The following ZNF385D variants were observed in gnomAD, a reference collection of about 807,000 sequenced individuals.
The protein encoded by ZNF385D is zinc finger protein 385D.
ZNF385D carries 15 observed loss-of-function variants against 35.8 expected under a neutral mutation model. That is an observed-to-expected ratio of 0.42 (90% CI 0.28 to 0.64). The LOEUF (loss-of-function observed/expected upper bound fraction) is 0.64. Among genes scored for constraint, ZNF385D ranks in the 30% least tolerant of loss-of-function variants. ZNF385D has a pLI of 0.23. For synonymous variants in ZNF385D, 212 were observed against 186.8 expected (o/e 1.13, Z -1.10); for missense variants, 474 against 494.6 (o/e 0.96, Z 0.39).
intron 2 of ZNF385D, among the ~76,000 whole-genome samples, chr3:21,614,852 G>T (rs1391405613): frequency 6.6e-6 from 1 of 152,210 alleles, no homozygotes. Flanking sequence ...CTCCCGAAGT[G>T]CTGGGATTAC....
chr3:21,762,771 C>T (rs997506095), intron 3 of ZNF385D, among the ~76,000 whole-genome samples: 1 of 152,082 alleles, frequency 6.6e-6, no homozygotes, highest in African/African-American at 2.4e-5. Context: ...AAGGTTTTGG[C>T]CCTTGGTCGT....
chr3:21,662,183 G>A (rs1027259658), intron 2 of ZNF385D, among the ~76,000 whole-genome samples: 2 of 152,092 alleles, frequency 1.3e-5, no homozygotes, highest in Admixed American at 1.3e-4. Context: ...ATCTAGGTAG[G>A]AGGGACTGCT....
At chr3:22,185,796 G>T (rs748466405) in intron 2 of ZNF385D, among the ~76,000 whole-genome samples, 3 of 152,082 alleles carry the variant, frequency 2.0e-5, no homozygotes, top group East Asian at 1.9e-4. Context: ...AAAGATTTCT[G>T]TCCCACCTGG....
intron 3 of ZNF385D, among the ~76,000 whole-genome samples, chr3:21,793,731 C>G (rs1047391095): frequency 1.3e-5 from 2 of 152,294 alleles, no homozygotes; most frequent in Middle Eastern, 3.4e-3. Flanking sequence ...GCTCGGGTCA[C>G]TCACTGCCCA....
chr3:21,429,427 CG>C (rs1198722674), intron 5 of ZNF385D, among the ~76,000 whole-genome samples: 2 of 151,774 alleles, frequency 1.3e-5, no homozygotes, highest in East Asian at 3.9e-4. Context: ...TGTAATACAT[CG>C]AGATGATATA....
intron 2 of ZNF385D, among the ~76,000 whole-genome samples, chr3:22,234,871 C>T (rs940820512): frequency 6.6e-6 from 1 of 151,962 alleles, no homozygotes; most frequent in African/African-American, 2.4e-5. Flanking sequence ...ATCAACTATC[C>T]TGCATTATAA....
At chr3:22,094,158 T>C (rs906783945) in intron 3 of ZNF385D, among the ~76,000 whole-genome samples, 3 of 151,932 alleles carry the variant, frequency 2.0e-5, no homozygotes, top group Admixed American at 2.0e-4. Flanking sequence ...GCATCAAATA[T>C]TCTAATTTTC....
intron 1 of ZNF385D, among the ~76,000 whole-genome samples, chr3:21,685,575 A>G (rs956081850): frequency 6.6e-6 from 1 of 152,222 alleles, no homozygotes; most frequent in Admixed American, 6.5e-5. Context: ...TGCTCCAACA[A>G]GAGGAAGTAT....
intron 3 of ZNF385D, among the ~76,000 whole-genome samples, chr3:21,919,946 T>TA (rs771504052): frequency 1.3e-5 from 2 of 152,190 alleles, no homozygotes; most frequent in Non-Finnish European, 2.9e-5. Flanking sequence ...GCTCCCTCTA[T>TA]AAGCATTTTC....
chr3:21,550,523 C>T (rs1305513423), intron 3 of ZNF385D, among the ~76,000 whole-genome samples: 1 of 152,112 alleles, frequency 6.6e-6, no homozygotes. Flanking sequence ...CACTCTGTTG[C>T]CCAGGCTGGA....
intron 2 of ZNF385D, among the ~76,000 whole-genome samples, chr3:22,300,061 T>C (rs1702814156): frequency 6.6e-6 from 1 of 151,878 alleles, no homozygotes; most frequent in African/African-American, 2.4e-5. Flanking sequence ...TAAAATATAC[T>C]ATAAAGCTAT....
chr3:22,164,974 G>T (rs1706218350), intron 3 of ZNF385D, among the ~76,000 whole-genome samples: 1 of 152,166 alleles, frequency 6.6e-6, no homozygotes. Context: ...TCAAAACCAT[G>T]GGGACCATAA....
intron 4 of ZNF385D, among the ~76,000 whole-genome samples, chr3:21,456,887 A>G (rs2125299869): frequency 6.6e-6 from 1 of 152,252 alleles, no homozygotes; most frequent in African/African-American, 2.4e-5. Context: ...CACTCTGGAT[A>G]AAATTGCTAC....
rs73035499 is a variant in ZNF385D, at chr3:22,246,605, T to C, written c.107-77570A>G. ...ATGTTAACTTTATAAAATTTGATGT[T>C]AGTATCTCAATGGCTTGACATGTAC... On this transcript the variant is annotated intron_variant, in intron 2 of 5. Coordinates refer to the ZNF385D transcript ENST00000494108. Among the ~76,000 whole-genome samples, 644 of 152,270 alleles carry C rather than the reference T, an allele frequency of 4.2e-3. 2 individuals are homozygous for C. Among genetic ancestry groups the C allele is most frequent in the Non-Finnish European group, 7.0e-3 (475 of 67,996 alleles).
chr3:22,107,667 A>G (rs1406247214), intron 3 of ZNF385D, among the ~76,000 whole-genome samples: 1 of 152,104 alleles, frequency 6.6e-6, no homozygotes, highest in Non-Finnish European at 1.5e-5. Flanking sequence ...AAATAATCCT[A>G]TCAAAAGCTG....
chr3:21,484,438 A>T (rs980538946), intron 4 of ZNF385D, among the ~76,000 whole-genome samples: 1 of 152,214 alleles, frequency 6.6e-6, no homozygotes, highest in African/African-American at 2.4e-5. Flanking sequence ...GCACCGCAGG[A>T]GTCTGGTCAG....
At position 21,828,337 on chromosome 3, in the gene ZNF385D, A is replaced by G. The variant is rs544041064; in HGVS notation, c.326-163309T>C. ...GGTGTTCATAGCTTTCAGTAAAAGT[A>G]GAAGTTAAAATAAGTCATATTTTAA... On this transcript the variant is annotated intron_variant, in intron 3 of 5. Coordinates refer to the ZNF385D transcript ENST00000494108. Among the ~76,000 whole-genome samples, 68 of 152,352 alleles carry G rather than the reference A, an allele frequency of 4.5e-4. No individual in the cohort carries two copies. The Middle Eastern group carries it at 0.017, about 38-fold the overall frequency.
intron 3 of ZNF385D, among the ~76,000 whole-genome samples, chr3:21,832,819 C>T (rs976853760): frequency 6.6e-6 from 1 of 152,080 alleles, no homozygotes; most frequent in African/African-American, 2.4e-5. Flanking sequence ...ATTCTATGAG[C>T]TCTACTCTTT....
At chr3:22,310,308 A>G in intron 2 of ZNF385D, among the ~76,000 whole-genome samples, 1 of 151,840 alleles carries the variant, frequency 6.6e-6, no homozygotes, top group East Asian at 1.9e-4. Context: ...CTTGATGGCT[A>G]TGAGAATGAT....
Sources: gnomAD v4.1 joint callset for allele counts (sites outside exome capture counted in the v4.1 genomes callset) on GRCh38, gnomAD v4.1.1 for gene constraint, MANE v1.5 for transcripts, NCBI Gene and HGNC (gene_info 2026-07-23, HGNC 2026-07-21) for gene names.